The following MBOAT1 variants were observed in gnomAD, a reference collection of about 807,000 sequenced individuals.
MBOAT1 encodes the protein membrane-bound glycerophospholipid O-acyltransferase 1.
A neutral mutation model predicts 64.4 loss-of-function variants in MBOAT1; 67 were observed. The observed-to-expected ratio is 1.04, with a 90% confidence interval of 0.85 to 1.27. The LOEUF is 1.27. MBOAT1 is among the 50% of genes most tolerant of loss of function. MBOAT1 has a pLI of 0.00. For synonymous variants in MBOAT1, 229 were observed against 218.9 expected, an observed-to-expected ratio of 1.05 and a Z score of -0.41; for missense variants, 563 against 604.6, an observed-to-expected ratio of 0.93 and a Z score of 0.72.
chr6:20,201,055 T>C (rs937285678), intron 1 of MBOAT1, among the ~76,000 whole-genome samples: 2 of 152,202 alleles, frequency 1.3e-5, no homozygotes, highest in African/African-American at 4.8e-5. Context: ...GATGAGGATC[T>C]CTAGAGCTGT....
intron 1 of MBOAT1, among the ~76,000 whole-genome samples, chr6:20,167,533 G>A (rs535012802): frequency 2.0e-5 from 3 of 152,294 alleles, no homozygotes; most frequent in South Asian, 4.1e-4. Context: ...ACTGGCTTTG[G>A]CCAATGAGTT....
intron 1 of MBOAT1, among the ~76,000 whole-genome samples, chr6:20,161,109 T>G (rs1761844002): frequency 6.6e-6 from 1 of 152,132 alleles, no homozygotes; most frequent in Non-Finnish European, 1.5e-5. Context: ...CCTCATCGCT[T>G]GCATTACCAC....
At chr6:20,183,354 A>C (rs1259931863) in intron 1 of MBOAT1, among the ~76,000 whole-genome samples, 1 of 152,216 alleles carries the variant, frequency 6.6e-6, no homozygotes, top group East Asian at 1.9e-4. Context: ...TGCCACAACC[A>C]GCTGAGCCAG....
intron 2 of MBOAT1, 150 bp downstream of exon 2, chr6:20,152,474 C>G (rs574489894): frequency 1.4e-6 from 1 of 713,918 alleles, no homozygotes; most frequent in Non-Finnish European, 2.1e-6. Flanking sequence ...CTGCAATGTC[C>G]TCATTATCCT....
At chr6:20,111,804 T>TCATATATATACATATATATA (rs1324458804) in intron 11 of MBOAT1, among the ~76,000 whole-genome samples, 2 of 51,002 alleles carry the variant, frequency 3.9e-5, no homozygotes, top group African/African-American at 1.3e-4. Context: ...TCCACTTTGT[T>TCATATATATACATATATATA]CATATATATA....
At chr6:20,152,169 C>CA (rs1257299432) in intron 2 of MBOAT1, among the ~76,000 whole-genome samples, 4 of 151,004 alleles carry the variant, frequency 2.6e-5, no homozygotes, top group East Asian at 1.9e-4. Flanking sequence ...AAAAAAAATA[C>CA]AAAAAAAATT....
At chr6:20,188,004 A>G (rs1393327460) in intron 1 of MBOAT1, among the ~76,000 whole-genome samples, 2 of 152,190 alleles carry the variant, frequency 1.3e-5, no homozygotes, top group Admixed American at 6.5e-5. Context: ...GAGAGAGAAG[A>G]ACTGTAAGAG....
chr6:20,099,984 G>A lies in MBOAT1; in HGVS notation c.*2302C>T, dbSNP rs1037373672. Among the ~76,000 whole-genome samples the A allele has an allele frequency of 1.1e-4, 16 of 152,122 alleles. No individual in the cohort carries two copies. The highest frequency in any genetic ancestry group is 2.2e-4 in the Non-Finnish European group (15 of 68,022). On this transcript the variant is annotated 3_prime_UTR_variant, in exon 13 of 13. Coordinates refer to ENST00000324607, the MANE Select transcript of MBOAT1 (RefSeq NM_001080480.3). ...GGCCTAACACCAAGTCTGACATATA[G>A]CATCCATAAGCTCAACTCCTAGAGG...
intron 11 of MBOAT1, among the ~76,000 whole-genome samples, chr6:20,111,837 C>CATATATATACATAT (rs1554115565): frequency 1.1e-5 from 1 of 92,628 alleles, no homozygotes; most frequent in Non-Finnish European, 2.4e-5. Flanking sequence ...TATATATACA[C>CATATATATACATAT]ATATATATAC....
Position 20,131,836 on chromosome 6 carries a change from C to T in MBOAT1, c.420-637G>A, listed in dbSNP as rs118137523. On this transcript the variant is annotated intron_variant, in intron 4 of 12. Coordinates refer to ENST00000324607, the MANE Select transcript of MBOAT1 (RefSeq NM_001080480.3). ...CTTGGTGTAGCTCCTGGACCAGCAC[C>T]ATCAGCATGCCCAGGAGCTAGTTGG... Among the ~76,000 whole-genome samples, 393 of 152,244 alleles carry T rather than the reference C, an allele frequency of 2.6e-3. 10 individuals carry two copies. In the East Asian group the frequency reaches 0.067, roughly 26 times the overall value.
At chr6:20,141,936 C>T (rs1261219194) in intron 4 of MBOAT1, among the ~76,000 whole-genome samples, 1 of 152,198 alleles carries the variant, frequency 6.6e-6, no homozygotes, top group East Asian at 1.9e-4. Flanking sequence ...TCTTGCATTT[C>T]TGTGCTCTTG....
intron 4 of MBOAT1, among the ~76,000 whole-genome samples, chr6:20,142,135 C>T (rs1221753105): frequency 6.6e-6 from 1 of 152,084 alleles, no homozygotes; most frequent in Non-Finnish European, 1.5e-5. Flanking sequence ...AGCCAGTCAG[C>T]GATTTTTGTT....
Position 20,212,319 on chromosome 6 carries a change from G to T in MBOAT1, c.-85C>A. 1.5e-6 allele frequency: 2 copies of T among 1,310,914 alleles called. No individual in the cohort carries two copies. The highest frequency in any genetic ancestry group is 2.1e-6 in the Non-Finnish European group (2 of 942,480). 81.2% of individuals were successfully genotyped at this position (1,310,914 alleles called of 1,614,324 possible). A position where few individuals can be genotyped will look rare whatever the true frequency, so the allele number is the denominator to read the frequency against. On this transcript the variant is annotated 5_prime_UTR_variant, in exon 1 of 13. Transcript: ENST00000324607. ...CCTCCCGCCCGGGTGCTCTTGGGTGGTTGCCCCGAGAGGCGCACGGCCGCC... is the reference window on the plus strand; with the variant it reads ...CCTCCCGCCCGGGTGCTCTTGGGTGTTTGCCCCGAGAGGCGCACGGCCGCC...
intron 12 of MBOAT1, among the ~76,000 whole-genome samples, chr6:20,104,555 T>C (rs1561742958): frequency 6.6e-6 from 1 of 152,246 alleles, no homozygotes; most frequent in African/African-American, 2.4e-5. Flanking sequence ...TGCAAGTAAT[T>C]AGAAACAGCT....
At chr6:20,110,442 CTG>C (rs1177120554) in intron 11 of MBOAT1, among the ~76,000 whole-genome samples, 2 of 150,068 alleles carry the variant, frequency 1.3e-5, no homozygotes, top group Non-Finnish European at 3.0e-5. Context: ...TCTCAAACTC[CTG>C]GGGTCAAGCA....
In MBOAT1 at chr6:20,102,313, GT is replaced by G. The variant is rs780066276; in HGVS notation, c.1460del (p.Asn487ThrfsTer52). ...AATCTGTTTTTCTCTTATTAATAGA[GT>G]TCAGAGTCTGAGGCCGCCTTTGCGT... is the stretch of plus-strand genomic sequence containing the variant. ...AHTQRRPQTL[N>X]SINKRKTD is the part of the protein sequence containing the mutation. On this transcript the variant is annotated frameshift_variant, in exon 13 of 13. Coordinates refer to ENST00000324607, the MANE Select transcript of MBOAT1 (RefSeq NM_001080480.3). LOFTEE classifies it high-confidence loss of function. 2 of 1,613,992 alleles carry G rather than the reference GT, an allele frequency of 1.2e-6. No homozygotes were observed. Among genetic ancestry groups the G allele is most frequent in the Admixed American group, 3.3e-5 (2 of 60,012 alleles).
chr6:20,139,941 T>C (rs1035092895), intron 4 of MBOAT1, among the ~76,000 whole-genome samples: 3 of 152,158 alleles, frequency 2.0e-5, no homozygotes, highest in African/African-American at 7.2e-5. Context: ...CTGTGCCTGG[T>C]ATACACAGGG....
intron 1 of MBOAT1, among the ~76,000 whole-genome samples, chr6:20,178,202 C>T (rs1299267721): frequency 6.6e-6 from 1 of 152,152 alleles, no homozygotes; most frequent in African/African-American, 2.4e-5. Context: ...CCCACTAAGC[C>T]AAGATGCAAC....
intron 1 of MBOAT1, among the ~76,000 whole-genome samples, chr6:20,166,990 A>T (rs1762033916): frequency 6.6e-6 from 1 of 152,112 alleles, no homozygotes; most frequent in African/African-American, 2.4e-5. Flanking sequence ...AGGAAAAAGA[A>T]AAGAAAAGAA....
Sources: allele counts gnomAD v4.1 joint callset (sites outside exome capture counted in the v4.1 genomes callset), GRCh38; gene constraint gnomAD v4.1.1; transcripts MANE v1.5; gene names NCBI Gene and HGNC (gene_info 2026-07-23, HGNC 2026-07-21).